PDZD2: variants seen among roughly 807,000 people sequenced by gnomAD.
The protein encoded by PDZD2 is PDZ domain-containing protein 2.
PDZD2 carries 90 observed loss-of-function variants against 220.7 expected under a neutral mutation model. That is an observed-to-expected ratio of 0.41 (90% confidence interval 0.34 to 0.49). PDZD2 has a LOEUF of 0.49. Among genes scored for constraint, PDZD2 ranks in the 20% least tolerant of loss-of-function variants. The probability of loss-of-function intolerance (pLI) is 0.28; values close to 1 mark genes in which losing one functional copy is unlikely to be tolerated. For synonymous variants in PDZD2, 1,375 were observed against 1,450.5 expected (o/e 0.95, Z 1.18); for missense variants, 3,174 against 3,608.5 (o/e 0.88, Z 3.08).
intron 1 of PDZD2, among the ~76,000 whole-genome samples, chr5:31,737,319 C>T (rs936719410): frequency 2.0e-5 from 3 of 151,746 alleles, no homozygotes; most frequent in African/African-American, 7.3e-5. Flanking sequence ...ACTACAGGCG[C>T]CCACCACCAC....
chr5:31,981,754 G>T (rs984467468), intron 2 of PDZD2, among the ~76,000 whole-genome samples: 1 of 152,200 alleles, frequency 6.6e-6, no homozygotes, highest in African/African-American at 2.4e-5. Context: ...AGAAGGCGTT[G>T]TCCTGGGTTC....
intron 1 of PDZD2, among the ~76,000 whole-genome samples, chr5:31,729,191 C>A (rs1429631099): frequency 1.3e-5 from 2 of 150,894 alleles, no homozygotes; most frequent in Admixed American, 6.6e-5. Flanking sequence ...GCAACCTCCG[C>A]CTCCTGGATT....
intron 1 of PDZD2, among the ~76,000 whole-genome samples, chr5:31,660,733 C>T (rs1377549145): frequency 6.6e-6 from 1 of 152,112 alleles, no homozygotes; most frequent in East Asian, 1.9e-4. Flanking sequence ...TGGGTGGGGA[C>T]AAAGCTAAAC....
intron 2 of PDZD2, among the ~76,000 whole-genome samples, chr5:31,842,274 A>C (rs1227621967): frequency 1.3e-5 from 2 of 152,240 alleles, no homozygotes; most frequent in Non-Finnish European, 2.9e-5. Context: ...ATGTTTATGC[A>C]CACTTACAGT....
chr5:31,825,725 A>G (rs1756167104), intron 2 of PDZD2, among the ~76,000 whole-genome samples: 1 of 152,206 alleles, frequency 6.6e-6, no homozygotes, highest in Non-Finnish European at 1.5e-5. Context: ...AGTGAGCACT[A>G]CACCAGCAGA....
chr5:32,042,662 G>C (rs184322467), intron 7 of PDZD2, among the ~76,000 whole-genome samples: 2 of 152,200 alleles, frequency 1.3e-5, no homozygotes, highest in Non-Finnish European at 2.9e-5. Context: ...ACGCTTGAAC[G>C]AGTTACAACA....
intron 1 of PDZD2, among the ~76,000 whole-genome samples, chr5:31,764,794 G>T (rs1751887549): frequency 6.6e-6 from 1 of 152,146 alleles, no homozygotes; most frequent in African/African-American, 2.4e-5. Flanking sequence ...TTGCCCAAAG[G>T]GGCCGGGCAC....
intron 2 of PDZD2, among the ~76,000 whole-genome samples, chr5:31,831,934 A>AAAAG (rs1554080789): frequency 6.7e-6 from 1 of 149,068 alleles, no homozygotes; most frequent in African/African-American, 2.5e-5. Context: ...AAAAAAAAAA[A>AAAAG]GAATAACGAT....
intron 2 of PDZD2, among the ~76,000 whole-genome samples, chr5:31,968,997 C>T (rs573372362): frequency 6.6e-6 from 1 of 152,090 alleles, no homozygotes; most frequent in South Asian, 2.1e-4. Context: ...TGATTTGTGA[C>T]GTTGGAATGG....
At chr5:31,713,306 C>T (rs960053361) in intron 1 of PDZD2, among the ~76,000 whole-genome samples, 4 of 152,238 alleles carry the variant, frequency 2.6e-5, no homozygotes, top group Non-Finnish European at 5.9e-5. Flanking sequence ...CTTCTCTACG[C>T]TCTGCTGGAC....
At chr5:31,855,673 A>G (rs1758387426) in intron 2 of PDZD2, among the ~76,000 whole-genome samples, 1 of 152,238 alleles carries the variant, frequency 6.6e-6, no homozygotes, top group Admixed American at 6.5e-5. Context: ...ACTGTGGATG[A>G]TTTCACAAGA....
Position 31,994,285 on chromosome 5 carries a change from G to A in PDZD2, c.979-1291G>A, listed in dbSNP as rs1581233134. On this transcript the variant is annotated intron_variant, in intron 3 of 24. Coordinates refer to ENST00000438447, the MANE Select transcript of PDZD2 (RefSeq NM_178140.4). ...GCCTCCTCAAAGTGCTGGGATTACA[G>A]GCATGAGCCACCACGCCCAGCCTGT... Among the ~76,000 whole-genome samples the A allele has an allele frequency of 2.6e-5, 4 of 152,084 alleles. No individual in the cohort carries two copies. The East Asian group carries it at 7.7e-4, about 29-fold the overall frequency.
intron 14 of PDZD2, among the ~76,000 whole-genome samples, chr5:32,064,735 AG>A (rs1183350387): frequency 6.6e-6 from 1 of 151,928 alleles, no homozygotes; most frequent in African/African-American, 2.4e-5. Flanking sequence ...TGGGAGGCCA[AG>A]GTGGGTGGAT....
chr5:32,076,288 GAA>G (rs67898034), intron 18 of PDZD2, among the ~76,000 whole-genome samples: 13,759 of 88,090 alleles, frequency 0.16, 470 homozygotes, highest in South Asian at 0.34. Context: ...TCGGTCTCAA[GAA>G]AAAAAAAAAA....
rs1745291979 is a variant in PDZD2, at chr5:32,110,553, T to TGTC, written c.*2419_*2421dup. The TGTC allele has an allele frequency of 6.6e-6, 1 of 152,630 alleles. No individual in the cohort carries two copies. The highest frequency in any genetic ancestry group is 1.5e-5 in the Non-Finnish European group (1 of 68,048). 9.5% of individuals were successfully genotyped at this position (152,630 alleles called of 1,614,324 possible). A position where few individuals can be genotyped will look rare whatever the true frequency, so the allele number is the denominator to read the frequency against. On this transcript the variant is annotated 3_prime_UTR_variant, in exon 25 of 25. Transcript: ENST00000438447. ...ACTAATGGTATTGTCCTACTAAAAC[T>TGTC]GTCATTGTTTCTTTTTTTTTAACTG...
At chr5:31,743,800 G>A (rs1277391232) in intron 1 of PDZD2, among the ~76,000 whole-genome samples, 1 of 152,006 alleles carries the variant, frequency 6.6e-6, no homozygotes, top group Admixed American at 6.6e-5. Context: ...TGAAAGAAAT[G>A]GAAGAAACAT....
chr5:31,928,527 G>A (rs182527054), intron 2 of PDZD2, among the ~76,000 whole-genome samples: 237 of 152,080 alleles, frequency 1.6e-3, no homozygotes, highest in Non-Finnish European at 1.8e-3. Context: ...CCAGGCTGGA[G>A]TGCAATGGCT....
intron 2 of PDZD2, among the ~76,000 whole-genome samples, chr5:31,888,753 A>C (rs1740748785): frequency 6.6e-6 from 1 of 152,204 alleles, no homozygotes; most frequent in Non-Finnish European, 1.5e-5. Context: ...AGAAGTCCGT[A>C]AGCTTGACTG....
intron 2 of PDZD2, among the ~76,000 whole-genome samples, chr5:31,931,465 A>G (rs10040248): frequency 0.93 from 141,676 of 152,250 alleles, 65,961 homozygotes; most frequent in Middle Eastern, 0.96. Flanking sequence ...GCCGCATAGT[A>G]GATTTTTTAG....
Sources: gnomAD v4.1 joint callset for allele counts (sites outside exome capture counted in the v4.1 genomes callset) on GRCh38, gnomAD v4.1.1 for gene constraint, MANE v1.5 for transcripts, NCBI Gene and HGNC (gene_info 2026-07-23, HGNC 2026-07-21) for gene names.